The following SH3PXD2A variants were observed in gnomAD, a reference collection of about 807,000 sequenced individuals.
SH3PXD2A encodes SH3 and PX domains 2A, also known as SH3 and PX domain-containing protein 2A.
A neutral mutation model predicts 115.2 loss-of-function variants in SH3PXD2A; 32 were observed. The ratio of observed to expected loss-of-function variants is 0.28; its 90% CI spans 0.21 to 0.37. SH3PXD2A has a LOEUF of 0.37. SH3PXD2A is among the 10% of genes least tolerant of loss of function. SH3PXD2A has a pLI of 1.00. For synonymous variants in SH3PXD2A, 610 were observed against 629.1 expected (o/e 0.97, Z 0.45); for missense variants, 1,328 against 1,498.7 (o/e 0.89, Z 1.88).
At chr10:103,725,225 G>A (rs1358501112) in intron 4 of SH3PXD2A, among the ~76,000 whole-genome samples, 2 of 152,160 alleles carry the variant, frequency 1.3e-5, no homozygotes, top group Non-Finnish European at 2.9e-5. Context: ...AGGCCAGTGC[G>A]GCCTGAGGAC....
At chr10:103,634,781 G>A (rs748511476) in intron 8 of SH3PXD2A, among the ~76,000 whole-genome samples, 2 of 152,166 alleles carry the variant, frequency 1.3e-5, no homozygotes, top group Admixed American at 6.5e-5. Context: ...AGAAAGACTC[G>A]AAGTCAGGTC....
At chr10:103,695,711 G>C (rs1160504489) in intron 5 of SH3PXD2A, among the ~76,000 whole-genome samples, 1 of 152,164 alleles carries the variant, frequency 6.6e-6, no homozygotes, top group Non-Finnish European at 1.5e-5. Flanking sequence ...GGGATTCTGA[G>C]GCTGCTCCAG....
intron 4 of SH3PXD2A, among the ~76,000 whole-genome samples, chr10:103,728,201 G>T (rs2038266571): frequency 6.6e-6 from 1 of 152,242 alleles, no homozygotes; most frequent in South Asian, 2.1e-4. Flanking sequence ...TATGGGCTGT[G>T]TGAGGCTGGA....
intron 3 of SH3PXD2A, among the ~76,000 whole-genome samples, chr10:103,739,035 C>T (rs1025622138): frequency 4.6e-5 from 7 of 152,164 alleles, no homozygotes; most frequent in South Asian, 2.1e-4. Flanking sequence ...TCAGATGATC[C>T]GCCCACCTTG....
intron 8 of SH3PXD2A, among the ~76,000 whole-genome samples, chr10:103,630,101 T>G (rs934478198): frequency 1.3e-5 from 2 of 152,238 alleles, no homozygotes; most frequent in Non-Finnish European, 2.9e-5. Context: ...CATGGAGCAC[T>G]GAGAGGGCTG....
chr10:103,631,841 G>A (rs1390809557), intron 8 of SH3PXD2A, among the ~76,000 whole-genome samples: 1 of 152,156 alleles, frequency 6.6e-6, no homozygotes. Flanking sequence ...TAGCGGTCAG[G>A]TGGGGGTGGC....
rs904570093 is a variant in SH3PXD2A at position 103,756,561 on chromosome 10, C to T, written c.229+10533G>A. On this transcript the variant is annotated intron_variant, in intron 3 of 14. Coordinates refer to ENST00000369774, the MANE Select transcript of SH3PXD2A (RefSeq NM_001394015.1). The surrounding 1 kb of genome is among the most constrained non-coding windows in gnomAD (Gnocchi z 4.4). Reference sequence around the variant, plus strand: ...AGGGAGGCTGCCCACCACAAAGCACCTTTCATATGCTCCAAAGGCTTCGGC... The same window carrying T: ...AGGGAGGCTGCCCACCACAAAGCACTTTTCATATGCTCCAAAGGCTTCGGC... 4.6e-5 allele frequency among the ~76,000 whole-genome samples: 7 copies of T among 152,126 alleles called. No individual in the cohort carries two copies. Among genetic ancestry groups the T allele is most frequent in the Non-Finnish European group, 1.0e-4 (7 of 68,008 alleles).
intron 1 of SH3PXD2A, among the ~76,000 whole-genome samples, chr10:103,814,026 A>G (rs2039299081): frequency 6.6e-6 from 1 of 151,700 alleles, no homozygotes; most frequent in Admixed American, 6.5e-5. Flanking sequence ...CAACAAAAAA[A>G]AAACCACACC....
intron 1 of SH3PXD2A, 151 bp from the exon 2 acceptor site, chr10:103,801,513 C>G: frequency 2.0e-6 from 1 of 498,454 alleles, no homozygotes; most frequent in Non-Finnish European, 3.6e-6. Flanking sequence ...GTATCAGCTA[C>G]CATGTAGATG....
chr10:103,671,141 GT>G (rs1365926684), intron 6 of SH3PXD2A, among the ~76,000 whole-genome samples: 12 of 152,338 alleles, frequency 7.9e-5, no homozygotes, highest in Admixed American at 5.9e-4. Context: ...AAGGAAAGCT[GT>G]TTTGCCTGGG....
chr10:103,682,351 G>A (rs575192344), intron 6 of SH3PXD2A, among the ~76,000 whole-genome samples: 8 of 152,368 alleles, frequency 5.3e-5, no homozygotes, highest in African/African-American at 1.4e-4. Flanking sequence ...TGGGCTGGCC[G>A]CAGAGTTGCC....
chr10:103,636,395 C>T (rs1271412771), intron 8 of SH3PXD2A, among the ~76,000 whole-genome samples: 3 of 139,906 alleles, frequency 2.1e-5, no homozygotes, highest in East Asian at 2.0e-4. Flanking sequence ...GGTGACAGAG[C>T]GAGACTCCAT....
intron 3 of SH3PXD2A, 137 bp downstream of exon 3, chr10:103,766,957 C>T (rs184060471): frequency 3.8e-4 from 247 of 646,622 alleles, no homozygotes; most frequent in Non-Finnish European, 5.4e-4. Context: ...TCCAAATCCC[C>T]TGGGGGAATT....
chr10:103,719,933 T>G (rs2038161581), intron 5 of SH3PXD2A, among the ~76,000 whole-genome samples: 1 of 152,228 alleles, frequency 6.6e-6, no homozygotes, highest in Admixed American at 6.5e-5. Context: ...TTGGCCAGGC[T>G]GATTTCAAAG....
chr10:103,661,879 C>CGCGCCA, intron 7 of SH3PXD2A: 1 of 985,238 alleles, frequency 1.0e-6, no homozygotes, highest in Non-Finnish European at 1.2e-6. Flanking sequence ...AGAAAGTCCC[C>CGCGCCA]GCGCCAGCGG....
chr10:103,826,745 T>C (rs111561442), intron 1 of SH3PXD2A, among the ~76,000 whole-genome samples: 2 of 152,330 alleles, frequency 1.3e-5, no homozygotes, highest in African/African-American at 4.8e-5. Flanking sequence ...AGGCATGAAA[T>C]TGTTTTGGTT....
chr10:103,835,734 G>A (rs1219032607), intron 1 of SH3PXD2A, among the ~76,000 whole-genome samples: 1 of 152,070 alleles, frequency 6.6e-6, no homozygotes, highest in African/African-American at 2.4e-5. Flanking sequence ...CCTCCTCTGG[G>A]TCACAACAAC....
Position 103,849,031 on chromosome 10 carries a change from G to A in SH3PXD2A, c.72+6164C>T, listed in dbSNP as rs574608204. On this transcript the variant is annotated intron_variant, in intron 1 of 14. Transcript: ENST00000369774. ...ATAAGTAACTTGCACTGTATCCCAC[G>A]GCAGCGAGTGGTGGGGCCAGGATAT... Among the ~76,000 whole-genome samples the A allele has an allele frequency of 5.3e-4, 77 of 145,708 alleles. 1 individual carries two copies. Among genetic ancestry groups the A allele is most frequent in the Non-Finnish European group, 7.4e-4 (50 of 67,278 alleles).
chr10:103,749,980 A>G (rs973140901), intron 3 of SH3PXD2A: 1 of 150,692 alleles, frequency 6.6e-6, no homozygotes, highest in Admixed American at 6.6e-5. Flanking sequence ...CTCATGAGAG[A>G]TTCTGACTCA....
Sources: gnomAD v4.1 joint callset for allele counts (sites outside exome capture counted in the v4.1 genomes callset) on GRCh38, gnomAD v4.1.1 for gene constraint, Gnocchi (gnomAD v3.1) non-coding constraint, MANE v1.5 for transcripts, NCBI Gene and HGNC (gene_info 2026-07-23, HGNC 2026-07-21) for gene names.